DPP6: variants seen among roughly 807,000 people sequenced by gnomAD.
The protein encoded by DPP6 is dipeptidyl peptidase like 6.
In DPP6, 69 loss-of-function variants were observed where a neutral mutation model predicts 122.6. That is an observed-to-expected ratio of 0.56 (90% CI 0.46 to 0.69). The LOEUF (loss-of-function observed/expected upper bound fraction) is 0.69, where lower values mean the gene tolerates loss of function less well. DPP6 is among the 30% of genes least tolerant of loss of function. The probability of loss-of-function intolerance (pLI) is 0.00; values close to 1 mark genes in which losing one functional copy is unlikely to be tolerated. For synonymous variants in DPP6, 418 were observed against 433.1 expected, an observed-to-expected ratio of 0.97 and a Z score of 0.43; for missense variants, 928 against 1,116.9, an observed-to-expected ratio of 0.83 and a Z score of 2.41.
intron 3 of DPP6, among the ~76,000 whole-genome samples, chr7:154,476,837 A>G (rs1440778602): frequency 6.6e-6 from 1 of 152,174 alleles, no homozygotes; most frequent in African/African-American, 2.4e-5. Flanking sequence ...TCACACCTGT[A>G]TTCCAGCACT....
intron 9 of DPP6, among the ~76,000 whole-genome samples, chr7:154,772,336 A>G (rs1376704957): frequency 3.3e-5 from 5 of 152,014 alleles, no homozygotes; most frequent in African/African-American, 1.2e-4. Flanking sequence ...AAGTCCCCCT[A>G]AAGAGGAAGC....
intron 1 of DPP6, among the ~76,000 whole-genome samples, chr7:154,277,926 G>A (rs1804245853): frequency 6.6e-6 from 1 of 152,182 alleles, no homozygotes; most frequent in African/African-American, 2.4e-5. Context: ...TCTCCCCAGT[G>A]AGAGTTCTTC....
intron 1 of DPP6, among the ~76,000 whole-genome samples, chr7:154,295,544 G>A (rs982937933): frequency 6.6e-6 from 1 of 152,120 alleles, no homozygotes; most frequent in Admixed American, 6.5e-5. Context: ...TACAGGTGAG[G>A]GAACAGATTT....
chr7:154,203,810 C>T (rs1200964235), intron 1 of DPP6, among the ~76,000 whole-genome samples: 4 of 152,200 alleles, frequency 2.6e-5, no homozygotes, highest in East Asian at 3.8e-4. Context: ...GCAGCTCACA[C>T]CTGTAACCCC....
At chr7:154,488,165 ACT>A (rs1172583618) in intron 3 of DPP6, among the ~76,000 whole-genome samples, 1 of 151,870 alleles carries the variant, frequency 6.6e-6, no homozygotes, top group East Asian at 1.9e-4. Flanking sequence ...CTTTATTGTA[ACT>A]CTTCGTGTTT....
At chr7:154,550,853 C>T (rs1377384019) in intron 4 of DPP6, among the ~76,000 whole-genome samples, 1 of 150,790 alleles carries the variant, frequency 6.6e-6, no homozygotes, top group Non-Finnish European at 1.5e-5. Context: ...CAGGTTCAAG[C>T]GATTCACTGG....
chr7:154,227,759 A>G (rs982839150), intron 1 of DPP6, among the ~76,000 whole-genome samples: 2 of 152,106 alleles, frequency 1.3e-5, no homozygotes, highest in African/African-American at 4.8e-5. Context: ...GGAGATTGTC[A>G]TTCAAAACTG....
intron 1 of DPP6, among the ~76,000 whole-genome samples, chr7:154,370,308 T>A (rs996320439): frequency 7.2e-5 from 11 of 151,790 alleles, no homozygotes; most frequent in Admixed American, 2.6e-4. Context: ...ATAGGGACTC[T>A]TTGATGCCTG....
At chr7:154,527,380 T>A (rs767047257) in intron 3 of DPP6, among the ~76,000 whole-genome samples, 1 of 152,224 alleles carries the variant, frequency 6.6e-6, no homozygotes, top group Admixed American at 6.5e-5. Flanking sequence ...GGGTTTCATT[T>A]AGTGGGAAAT....
intron 1 of DPP6, among the ~76,000 whole-genome samples, chr7:154,348,887 A>G (rs1031633397): frequency 2.0e-5 from 3 of 152,228 alleles, no homozygotes; most frequent in South Asian, 2.1e-4. Flanking sequence ...TTATTCTGCC[A>G]TTTGGCTGAA....
intron 1 of DPP6, among the ~76,000 whole-genome samples, chr7:154,180,940 A>G (rs776504921): frequency 6.6e-5 from 10 of 152,190 alleles, no homozygotes; most frequent in South Asian, 2.1e-4. Flanking sequence ...TCTTTAGCCT[A>G]TAGGTCTTAC....
intron 1 of DPP6, among the ~76,000 whole-genome samples, chr7:154,428,593 C>T (rs1439050628): frequency 6.6e-6 from 1 of 152,152 alleles, no homozygotes; most frequent in Admixed American, 6.5e-5. Context: ...GATATGGAAT[C>T]GACCTAAGTG....
At chr7:154,642,781 C>T (rs1385676446) in intron 6 of DPP6, among the ~76,000 whole-genome samples, 1 of 151,554 alleles carries the variant, frequency 6.6e-6, no homozygotes, top group East Asian at 2.0e-4. Context: ...AAATACAAAA[C>T]TTGGCCGGGC....
chr7:154,437,545 T>C (rs1446570592), intron 1 of DPP6, among the ~76,000 whole-genome samples: 2 of 152,246 alleles, frequency 1.3e-5, no homozygotes, highest in Non-Finnish European at 2.9e-5. Context: ...AAAATTCCAC[T>C]CAGTTTCCCT....
chr7:154,573,373 T>C (rs1240611856), intron 5 of DPP6, among the ~76,000 whole-genome samples: 1 of 152,186 alleles, frequency 6.6e-6, no homozygotes, highest in Admixed American at 6.5e-5. Flanking sequence ...ATCAGCCCAG[T>C]AGCTGCTGCA....
intron 1 of DPP6, among the ~76,000 whole-genome samples, chr7:154,295,320 T>A (rs1805467521): frequency 6.6e-6 from 1 of 152,166 alleles, no homozygotes. Context: ...TCACTCAGAC[T>A]GAGAGTTAGA....
At chr7:154,498,478 C>T (rs919371317) in intron 3 of DPP6, among the ~76,000 whole-genome samples, 2 of 152,168 alleles carry the variant, frequency 1.3e-5, no homozygotes, top group African/African-American at 2.4e-5. Context: ...GCTGGGACTA[C>T]AGGCACATGC....
intron 1 of DPP6, among the ~76,000 whole-genome samples, chr7:154,380,545 C>T (rs987752204): frequency 6.6e-6 from 1 of 152,220 alleles, no homozygotes; most frequent in African/African-American, 2.4e-5. Context: ...TACCTGTGCA[C>T]ACCAGGTGAA....
intron 16 of DPP6, among the ~76,000 whole-genome samples, chr7:154,822,086 C>G (rs1380620539): frequency 6.6e-6 from 1 of 152,060 alleles, no homozygotes; most frequent in Non-Finnish European, 1.5e-5. Context: ...CTCCCTCCTT[C>G]CCTGGGGCTC....
Sources: gnomAD v4.1 joint callset for allele counts (sites outside exome capture counted in the v4.1 genomes callset) on GRCh38, gnomAD v4.1.1 for gene constraint, MANE v1.5 for transcripts, NCBI Gene and HGNC (gene_info 2026-07-23, HGNC 2026-07-21) for gene names.